Variants in RHOBTB3 observed in about 807,000 individuals in gnomAD.
RHOBTB3 encodes Rho related BTB domain containing 3, also known as rho-related BTB domain-containing protein 3.
A neutral mutation model predicts 67.2 loss-of-function variants in RHOBTB3; 47 were observed. The observed-to-expected ratio is 0.70, with a 90% confidence interval of 0.55 to 0.89. RHOBTB3 has a LOEUF of 0.89. Ranked by LOEUF, RHOBTB3 falls within the 40% of genes least tolerant of loss-of-function variation. The pLI is 0.00. For synonymous variants in RHOBTB3, 273 were observed against 274.2 expected (o/e 1.00, Z 0.04); for missense variants, 631 against 750.0 (o/e 0.84, Z 1.85).
chr5:95,765,883 C>T (rs550005913), intron 7 of RHOBTB3, among the ~76,000 whole-genome samples: 6 of 152,212 alleles, frequency 3.9e-5, no homozygotes, highest in East Asian at 1.9e-4. Flanking sequence ...AGGATGGTCT[C>T]GATCTCCTGA....
chr5:95,767,715 A>G, intron 7 of RHOBTB3: 1 of 647,138 alleles, frequency 1.5e-6, no homozygotes, highest in Non-Finnish European at 2.8e-6. Context: ...TTTAGTAGGC[A>G]TTTGTATGGA....
At chr5:95,789,508 G>A (rs1488278355) in intron 11 of RHOBTB3, 1 of 152,208 alleles carries the variant, frequency 6.6e-6, no homozygotes, top group Admixed American at 6.5e-5. Flanking sequence ...AGACAGTTTA[G>A]ATGCAGTGGT....
At chr5:95,748,895 C>T (rs1378368366) in intron 4 of RHOBTB3, among the ~76,000 whole-genome samples, 2 of 152,174 alleles carry the variant, frequency 1.3e-5, no homozygotes, top group Non-Finnish European at 2.9e-5. Flanking sequence ...ATTTTTCTTC[C>T]TCTGTGTGTG....
At chr5:95,774,718 T>C (rs999224444) in intron 8 of RHOBTB3, among the ~76,000 whole-genome samples, 1 of 152,160 alleles carries the variant, frequency 6.6e-6, no homozygotes, top group African/African-American at 2.4e-5. Flanking sequence ...CTTGTTTTCA[T>C]ACAAACAAAT....
At chr5:95,724,413 G>A (rs983948425) in intron 1 of RHOBTB3, among the ~76,000 whole-genome samples, 2 of 152,208 alleles carry the variant, frequency 1.3e-5, no homozygotes, top group Non-Finnish European at 1.5e-5. Flanking sequence ...AATTATATTT[G>A]GAAAATGTTT....
intron 7 of RHOBTB3, among the ~76,000 whole-genome samples, chr5:95,766,846 C>G (rs1239964496): frequency 6.6e-6 from 1 of 152,156 alleles, no homozygotes; most frequent in Non-Finnish European, 1.5e-5. Flanking sequence ...ATCAAAAACC[C>G]AGGAAACTCT....
At chr5:95,792,378 C>T (rs1443622864) in intron 11 of RHOBTB3, among the ~76,000 whole-genome samples, 2 of 124,108 alleles carry the variant, frequency 1.6e-5, no homozygotes, top group African/African-American at 6.4e-5. Flanking sequence ...CAGAGCAAGA[C>T]TCCGTCTCAG....
chr5:95,755,467 C>A lies in RHOBTB3; in HGVS notation c.754C>A (p.Gln252Lys). 6.2e-7 allele frequency: 1 copy of A among 1,613,298 alleles called. No homozygotes were observed. Among genetic ancestry groups the A allele is most frequent in the African/African-American group, 1.3e-5 (1 of 74,982 alleles). The change falls in exon 6 of 12, where the codon CAG becomes AAG. Residue 252 changes from glutamine (Q) to lysine (K), a missense_variant. Coordinates refer to ENST00000379982, the MANE Select transcript of RHOBTB3 (RefSeq NM_014899.4). ...SDLNNLLFCCQCVDVVFYNPN... is the reference protein window; with the variant it reads ...SDLNNLLFCCKCVDVVFYNPN... ...CTTAAATAACTTGCTGTTCTGCTGC[C>A]AGTGTGTGGACGTGGTATTTTACAA...
At chr5:95,757,007 C>T (rs896835336) in intron 6 of RHOBTB3, among the ~76,000 whole-genome samples, 12 of 152,050 alleles carry the variant, frequency 7.9e-5, no homozygotes, top group African/African-American at 2.2e-4. Flanking sequence ...TTTTGTAGGG[C>T]GTGAAAGAGA....
rs1422024739 is a variant in RHOBTB3, at chr5:95,733,315, C to T, written c.228+1231C>T. On this transcript the variant is annotated intron_variant, in intron 2 of 11. Transcript: ENST00000379982. Reference sequence around the variant, plus strand: ...AGAGTCTATGCAGGCAAATGAAACACTTCTTTTACTTGGGATCTTTCGTTG... The same window carrying T: ...AGAGTCTATGCAGGCAAATGAAACATTTCTTTTACTTGGGATCTTTCGTTG... Among the ~76,000 whole-genome samples the T allele has an allele frequency of 2.0e-5, 3 of 152,174 alleles. No individual in the cohort carries two copies. The South Asian group carries it at 6.2e-4, about 31-fold the overall frequency.
intron 11 of RHOBTB3, chr5:95,789,059 A>G: frequency 4.4e-6 from 2 of 459,684 alleles, no homozygotes; most frequent in Non-Finnish European, 7.6e-6. Flanking sequence ...GTGTTACACA[A>G]GAAGTTTTCT....
At chr5:95,725,742 A>G (rs1318166235) in intron 1 of RHOBTB3, among the ~76,000 whole-genome samples, 3 of 152,032 alleles carry the variant, frequency 2.0e-5, no homozygotes, top group Admixed American at 1.3e-4. Context: ...AATAAATTGC[A>G]TAGGAGATAG....
intron 8 of RHOBTB3, chr5:95,770,000 G>A: frequency 2.5e-6 from 1 of 406,108 alleles, no homozygotes; most frequent in Non-Finnish European, 4.9e-6. Flanking sequence ...TGTTGGTGGT[G>A]CAGTGTTTGG....
In RHOBTB3 at chr5:95,793,321, A is replaced by G; in HGVS notation, c.*147A>G. On this transcript the variant is annotated 3_prime_UTR_variant, in exon 12 of 12. Coordinates refer to ENST00000379982, the MANE Select transcript of RHOBTB3 (RefSeq NM_014899.4). ...TAATATGTTTATTAGTTCTCTTTGG[A>G]AAAAAACTACCACTGTGGTCTTAAA... The G allele has an allele frequency of 1.9e-6, 1 of 522,560 alleles. No homozygotes were observed. The highest frequency in any genetic ancestry group is 3.4e-6 in the Non-Finnish European group (1 of 297,162). The allele number at this position is 522,560 out of a possible 1,614,324, so 32.4% of individuals were successfully genotyped here.
At chr5:95,736,757 A>G in intron 2 of RHOBTB3, 132 bp from the exon 3 acceptor site, 1 of 607,992 alleles carries the variant, frequency 1.6e-6, no homozygotes, top group South Asian at 2.5e-5. Flanking sequence ...GCAGACTGCA[A>G]CACTTTTAAT....
intron 8 of RHOBTB3, among the ~76,000 whole-genome samples, chr5:95,772,168 CAACCT>C (rs1426823052): frequency 2.6e-5 from 4 of 152,190 alleles, no homozygotes; most frequent in Non-Finnish European, 4.4e-5. Flanking sequence ...ACCATTATAA[CAACCT>C]AGGGCACTGC....
intron 6 of RHOBTB3, 65 bp downstream of exon 6, chr5:95,755,826 G>A (rs1376505152): frequency 6.5e-7 from 1 of 1,536,758 alleles, no homozygotes; most frequent in African/African-American, 1.4e-5. Context: ...ATGTGCCTGT[G>A]ACACTCAAGG....
chr5:95,744,242 T>C (rs1436094463), intron 3 of RHOBTB3, among the ~76,000 whole-genome samples: 1 of 152,158 alleles, frequency 6.6e-6, no homozygotes, highest in African/African-American at 2.4e-5. Context: ...TTAACTGTAG[T>C]GCCCCTCTAC....
intron 8 of RHOBTB3, among the ~76,000 whole-genome samples, chr5:95,771,446 G>T (rs528490071): frequency 6.6e-6 from 1 of 152,154 alleles, no homozygotes; most frequent in African/African-American, 2.4e-5. Context: ...GACAAGCCAC[G>T]GCCAGCCCTG....
Sources: allele counts gnomAD v4.1 joint callset (sites outside exome capture counted in the v4.1 genomes callset), GRCh38; gene constraint gnomAD v4.1.1; transcripts MANE v1.5; gene names NCBI Gene and HGNC (gene_info 2026-07-23, HGNC 2026-07-21).